Variants in GMFG observed in about 807,000 individuals in gnomAD.
GMFG encodes glia maturation factor gamma.
In GMFG, 21 loss-of-function variants were observed where a neutral mutation model predicts 26.1. The observed-to-expected ratio is 0.80, with a 90% CI of 0.57 to 1.16. GMFG has a LOEUF of 1.16. Among genes scored for constraint, GMFG ranks in the 50% most tolerant of loss-of-function variants. The pLI is 0.00. For missense variants in GMFG, 161 were observed against 178.3 expected (o/e 0.90, Z 0.55); for synonymous variants, 65 against 60.8 (o/e 1.07, Z -0.32).
intron 3 of GMFG, among the ~76,000 whole-genome samples, chr19:39,334,165 C>T (rs565728685): frequency 5.9e-5 from 9 of 151,450 alleles, no homozygotes; most frequent in Non-Finnish European, 8.8e-5. Flanking sequence ...TACAGGCACC[C>T]GCCACCACAC....
intron 4 of GMFG, among the ~76,000 whole-genome samples, chr19:39,331,604 T>A (rs1049077770): frequency 2.0e-5 from 3 of 152,068 alleles, no homozygotes; most frequent in Non-Finnish European, 4.4e-5. Flanking sequence ...TTCTACCTGA[T>A]AGTTAAAAGT....
chr19:39,331,066 G>T (rs1468497472), intron 4 of GMFG, among the ~76,000 whole-genome samples: 1 of 152,212 alleles, frequency 6.6e-6, no homozygotes, highest in South Asian at 2.1e-4. Flanking sequence ...ATTTAAAGTC[G>T]TGCTCCCTCG....
At position 39,336,029 on chromosome 19, in the gene GMFG, G is replaced by T. The variant is rs906504107; in HGVS notation, c.-53C>A. 2.0e-6 allele frequency: 3 copies of T among 1,524,488 alleles called. No individual in the cohort carries two copies. Among genetic ancestry groups the T allele is most frequent in the Non-Finnish European group, 2.7e-6 (3 of 1,099,036 alleles). The allele number at this position is 1,524,488 out of a possible 1,614,324, so 94.4% of individuals were successfully genotyped here. On this transcript the variant is annotated 5_prime_UTR_variant, in exon 1 of 7. Coordinates refer to ENST00000597595, the MANE Select transcript of GMFG (RefSeq NM_004877.4). ...TTCTTAGTTCCGCTGTCTTCTAGGC[G>T]TGGGGACCGGGGCTGTAGGGGGGCG...
rs529044654 is a variant in GMFG at position 39,330,771 on chromosome 19, T to C, written c.201-1145A>G. On this transcript the variant is annotated intron_variant, in intron 4 of 6. Coordinates refer to ENST00000597595, the MANE Select transcript of GMFG (RefSeq NM_004877.4). ...GCCACCACATCCAGCTAATGTTTTT[T>C]GTGTTTTTTGCAGAGACAGAGTTTC... Among the ~76,000 whole-genome samples the C allele has an allele frequency of 7.2e-5, 11 of 152,176 alleles. No individual in the cohort carries two copies. The East Asian group carries it at 1.9e-3, about 27-fold the overall frequency.
At chr19:39,328,809 A>G in intron 6 of GMFG, 191 bp downstream of exon 6, 1 of 618,722 alleles carries the variant, frequency 1.6e-6, no homozygotes, top group Non-Finnish European at 2.9e-6. Context: ...ACCCAGGAGG[A>G]GGAGGTTGCA....
chr19:39,335,021 T>A (rs1452984538), intron 3 of GMFG, among the ~76,000 whole-genome samples: 1 of 151,978 alleles, frequency 6.6e-6, no homozygotes, highest in Non-Finnish European at 1.5e-5. Context: ...AGCTAACTTT[T>A]TATATTTTTA....
intron 4 of GMFG, among the ~76,000 whole-genome samples, chr19:39,332,010 T>C (rs938833341): frequency 6.6e-6 from 1 of 150,604 alleles, no homozygotes. Context: ...CACAGGCACA[T>C]GCCACCATGC....
Position 39,333,078 on chromosome 19 carries a change from TG to T in GMFG, c.198del (p.Arg67GlyfsTer36). The T allele has an allele frequency of 6.3e-7, 1 of 1,597,274 alleles. No individual in the cohort carries two copies. Among genetic ancestry groups the T allele is most frequent in the Non-Finnish European group, 8.6e-7 (1 of 1,167,508 alleles). ...CAACCCTTTCTTCCCCCAGGATACC[TG>T]GGCTGTCTCTCCGGCAACTCCATTT... is the stretch of plus-strand genomic sequence containing the variant. Reference protein sequence around the residue: ...ELKMELPERQPRFVVYSYKYV... With the variant: ...ELKMELPERQXRFVVYSYKYV... On this transcript the variant is annotated frameshift_variant and splice_region_variant, in exon 4 of 7. Transcript: ENST00000597595. LOFTEE classifies it high-confidence loss of function.
chr19:39,333,543 G>T (rs1029826836), intron 3 of GMFG, among the ~76,000 whole-genome samples: 1 of 142,300 alleles, frequency 7.0e-6, no homozygotes. Flanking sequence ...TTGTGCCATA[G>T]CACTCCAGCC....
chr19:39,335,541 G>A lies in GMFG; in HGVS notation c.4-10C>T, dbSNP rs1447118532. On this transcript the variant is annotated splice_polypyrimidine_tract_variant and intron_variant, in intron 1 of 6. Coordinates refer to ENST00000597595, the MANE Select transcript of GMFG (RefSeq NM_004877.4). ...CCACCAGGGAGTCAGACTGCCGGAG[G>A]GACCCAGGAAGAGCTGAAATGGCCT... is the stretch of plus-strand genomic sequence containing the variant. 1.3e-6 allele frequency: 2 copies of A among 1,596,514 alleles called. No homozygotes were observed. Among genetic ancestry groups the A allele is most frequent in the Non-Finnish European group, 1.7e-6 (2 of 1,164,148 alleles).
chr19:39,330,491 C>T (rs1163323153), intron 4 of GMFG, among the ~76,000 whole-genome samples: 1 of 151,134 alleles, frequency 6.6e-6, no homozygotes, highest in Non-Finnish European at 1.5e-5. Context: ...TGCAATGGTG[C>T]GATCCTAGCT....
intron 5 of GMFG, 63 bp from the exon 6 acceptor site, chr19:39,329,136 G>C: frequency 1.7e-6 from 2 of 1,161,424 alleles, no homozygotes; most frequent in Non-Finnish European, 1.3e-6. Flanking sequence ...TAAAGCTCTA[G>C]TAATGTCCTG....
intron 3 of GMFG, among the ~76,000 whole-genome samples, chr19:39,333,352 A>T (rs1234280611): frequency 6.6e-6 from 1 of 152,122 alleles, no homozygotes; most frequent in Non-Finnish European, 1.5e-5. Flanking sequence ...AGGCTGAGGC[A>T]GGAGAATTGC....
chr19:39,332,543 AAAAG>A (rs1235461520), intron 4 of GMFG, among the ~76,000 whole-genome samples: 1 of 151,990 alleles, frequency 6.6e-6, no homozygotes, highest in Non-Finnish European at 1.5e-5. Flanking sequence ...AAAAAAAAAA[AAAAG>A]ACTCTTAAAC....
chr19:39,328,713 T>C (rs949597807), intron 6 of GMFG, 165 bp from the exon 7 acceptor site: 4 of 615,116 alleles, frequency 6.5e-6, no homozygotes, highest in Admixed American at 2.8e-5. Context: ...ACCCTGACTC[T>C]ACTAAAAATA....
intron 4 of GMFG, 59 bp from the exon 5 acceptor site, chr19:39,329,685 AT>A: frequency 9.6e-7 from 1 of 1,039,570 alleles, no homozygotes; most frequent in Non-Finnish European, 1.5e-6. Context: ...CTTAACAGCC[AT>A]TACCTGAGTC....
intron 4 of GMFG, 26 bp downstream of exon 4, chr19:39,333,051 T>G (rs1270229371): frequency 6.4e-7 from 1 of 1,557,420 alleles, no homozygotes; most frequent in African/African-American, 1.4e-5. Context: ...CATGGCCTGA[T>G]CCAACCCTTT....
At position 39,335,243 on chromosome 19, in the gene GMFG, A is replaced by G. The variant is rs764426032; in HGVS notation, c.150+18T>C. 2 of 1,543,746 alleles carry G rather than the reference A, an allele frequency of 1.3e-6. No individual in the cohort carries two copies. Among genetic ancestry groups the G allele is most frequent in the East Asian group, 2.3e-5 (1 of 44,358 alleles). On this transcript the variant is annotated intron_variant, in intron 3 of 6. Coordinates refer to ENST00000597595, the MANE Select transcript of GMFG (RefSeq NM_004877.4). ...TCTCACCCTGTACCTCCCAGTCCCA[A>G]TCACCCCAGCCCATCACCTGAAATT...
intron 4 of GMFG, among the ~76,000 whole-genome samples, chr19:39,330,505 T>C (rs2075222040): frequency 1.3e-5 from 2 of 152,006 alleles, no homozygotes; most frequent in Admixed American, 1.3e-4. Flanking sequence ...CCTAGCTCAC[T>C]GCAGTCTTGA....
Sources: gnomAD v4.1 joint callset for allele counts (sites outside exome capture counted in the v4.1 genomes callset) on GRCh38, gnomAD v4.1.1 for gene constraint, MANE v1.5 for transcripts, NCBI Gene and HGNC (gene_info 2026-07-23, HGNC 2026-07-21) for gene names.